PRUNE2: variants seen among roughly 807,000 people sequenced by gnomAD.
PRUNE2 encodes prune homolog 2 with BCH domain.
PRUNE2 carries 164 observed loss-of-function variants against 252.0 expected under a neutral mutation model. That is an observed-to-expected ratio of 0.65 (90% CI 0.57 to 0.74). The LOEUF (loss-of-function observed/expected upper bound fraction) is 0.74, where lower values mean the gene tolerates loss of function less well. PRUNE2 is among the 30% of genes least tolerant of loss of function. The probability of loss-of-function intolerance (pLI) is 0.00; values close to 1 mark genes in which losing one functional copy is unlikely to be tolerated. For synonymous variants in PRUNE2, 1,292 were observed against 1,350.2 expected, an observed-to-expected ratio of 0.96 and a Z score of 0.94; for missense variants, 3,495 against 3,711.0, an observed-to-expected ratio of 0.94 and a Z score of 1.51.
chr9:76,768,200 C>CTT (rs58313419), intron 6 of PRUNE2, among the ~76,000 whole-genome samples: 3 of 148,846 alleles, frequency 2.0e-5, no homozygotes, highest in South Asian at 2.1e-4. Flanking sequence ...AATGATTTTC[C>CTT]TTTTTTTTTT....
At position 76,706,660 on chromosome 9, in the gene PRUNE2, C is replaced by T. The variant is rs377617794; in HGVS notation, c.5614G>A (p.Val1872Ile). 2.8e-5 allele frequency: 45 copies of T among 1,613,782 alleles called. No homozygotes were observed. In the African/African-American group the frequency reaches 5.9e-4, roughly 21 times the overall value. ...HQNASPWGVPVQGDIEPVETH... is the reference protein window; with the variant it reads ...HQNASPWGVPIQGDIEPVETH... ...TCCACGGGCTCAATATCACCCTGAA[C>T]TGGTACTCCCCAGGGACTGGCATTT... Residue 1872 changes from valine (V) to isoleucine (I), a missense_variant, in exon 8 of 19, where the codon GTT (valine) becomes ATT (isoleucine). Transcript: ENST00000376718.
At chr9:76,775,259 T>A (rs2053606801) in intron 6 of PRUNE2, among the ~76,000 whole-genome samples, 1 of 152,134 alleles carries the variant, frequency 6.6e-6, no homozygotes, top group South Asian at 2.1e-4. Context: ...CTCTTTGCAA[T>A]GACAAAGAGG....
At chr9:76,895,831 T>C (rs1564524604) in intron 1 of PRUNE2, among the ~76,000 whole-genome samples, 1 of 152,076 alleles carries the variant, frequency 6.6e-6, no homozygotes, top group Non-Finnish European at 1.5e-5. Flanking sequence ...TCACCCAGGC[T>C]GGAGTGCAGT....
intron 6 of PRUNE2, among the ~76,000 whole-genome samples, chr9:76,817,526 C>T (rs2057767426): frequency 6.6e-6 from 1 of 152,104 alleles, no homozygotes; most frequent in African/African-American, 2.4e-5. Flanking sequence ...CACAACCAGA[C>T]CAGATCCATA....
chr9:76,648,662 G>A (rs1845938208), intron 11 of PRUNE2, among the ~76,000 whole-genome samples: 1 of 152,170 alleles, frequency 6.6e-6, no homozygotes, highest in Admixed American at 6.5e-5. Flanking sequence ...TGCGGGAAAG[G>A]GAGACATAGG....
chr9:76,781,622 A>C (rs1415368504), intron 6 of PRUNE2, among the ~76,000 whole-genome samples: 1 of 152,218 alleles, frequency 6.6e-6, no homozygotes, highest in Non-Finnish European at 1.5e-5. Context: ...TTTTCTTCAT[A>C]GCACTTAAAT....
chr9:76,648,782 C>G (rs746999803), intron 11 of PRUNE2, among the ~76,000 whole-genome samples: 1 of 152,202 alleles, frequency 6.6e-6, no homozygotes, highest in Non-Finnish European at 1.5e-5. Context: ...AACTTGGAAT[C>G]GTGATGATAC....
intron 9 of PRUNE2, among the ~76,000 whole-genome samples, chr9:76,673,230 C>T (rs1196651401): frequency 0.014 from 2,030 of 148,148 alleles, 47 homozygotes; most frequent in African/African-American, 0.047. Flanking sequence ...ATATCACCAC[C>T]GATCCCACAG....
At chr9:76,648,162 C>G (rs1845726590) in intron 11 of PRUNE2, among the ~76,000 whole-genome samples, 1 of 152,150 alleles carries the variant, frequency 6.6e-6, no homozygotes, top group South Asian at 2.1e-4. Flanking sequence ...ATCCAAAACC[C>G]TGACACCAAA....
chr9:76,684,991 A>G (rs2043922420), intron 9 of PRUNE2, among the ~76,000 whole-genome samples: 1 of 152,068 alleles, frequency 6.6e-6, no homozygotes, highest in Non-Finnish European at 1.5e-5. Flanking sequence ...ACCTCAAGTG[A>G]TCCACCCTGC....
chr9:76,773,880 A>G (rs1430224554), intron 6 of PRUNE2, among the ~76,000 whole-genome samples: 3 of 152,222 alleles, frequency 2.0e-5, no homozygotes, highest in African/African-American at 7.2e-5. Flanking sequence ...AACCCCACAG[A>G]AAAAAGGTGG....
In PRUNE2 at chr9:76,684,236, C is replaced by T. The variant is rs576291616; in HGVS notation, c.8276+19101G>A. On this transcript the variant is annotated intron_variant, in intron 9 of 18. Transcript: ENST00000376718. ...TTGTACCCTTTGATCAATCACTCCC[C>T]TTTCCTTCATCCGCTTTCCAGTCTC... Among the ~76,000 whole-genome samples, 178 of 152,308 alleles carry T rather than the reference C, an allele frequency of 1.2e-3. 1 individual carries two copies. The highest frequency in any genetic ancestry group is 6.8e-3 in the Middle Eastern group (2 of 294).
intron 1 of PRUNE2, among the ~76,000 whole-genome samples, chr9:76,874,351 C>T (rs1388687659): frequency 6.6e-6 from 1 of 152,034 alleles, no homozygotes; most frequent in African/African-American, 2.4e-5. Context: ...TTAAAAAGTG[C>T]ACATGAAAGC....
intron 18 of PRUNE2, among the ~76,000 whole-genome samples, chr9:76,617,955 T>C (rs1372842250): frequency 1.3e-5 from 2 of 152,292 alleles, no homozygotes; most frequent in African/African-American, 2.4e-5. Flanking sequence ...AAAAGAATTA[T>C]CGTGCACTGG....
chr9:76,773,750 A>T (rs978194921), intron 6 of PRUNE2, among the ~76,000 whole-genome samples: 41 of 152,126 alleles, frequency 2.7e-4, no homozygotes, highest in Non-Finnish European at 2.9e-5. Flanking sequence ...GGCCAAGTAC[A>T]TCTTATGTAG....
chr9:76,814,233 C>A (rs1275135991), intron 6 of PRUNE2, among the ~76,000 whole-genome samples: 1 of 152,160 alleles, frequency 6.6e-6, no homozygotes, highest in Non-Finnish European at 1.5e-5. Flanking sequence ...CTGGGCTGGT[C>A]TTCGGGACTC....
intron 6 of PRUNE2, among the ~76,000 whole-genome samples, chr9:76,761,184 G>A (rs1307239697): frequency 6.6e-6 from 1 of 151,740 alleles, no homozygotes; most frequent in African/African-American, 2.4e-5. Flanking sequence ...AAATGAATCT[G>A]AATTAGAAGC....
chr9:76,882,987 CTCTTTCAGGCCTCAGTTTTCTT>C (rs1390612713), intron 1 of PRUNE2, among the ~76,000 whole-genome samples: 3 of 152,178 alleles, frequency 2.0e-5, no homozygotes, highest in Non-Finnish European at 4.4e-5. Flanking sequence ...AGCTCACTTC[CTCTTTCAGGCCTCAGTTTTCTT>C]TCTTTCAGGC....
intron 6 of PRUNE2, among the ~76,000 whole-genome samples, chr9:76,744,144 C>T (rs2049896768): frequency 6.6e-6 from 1 of 152,186 alleles, no homozygotes; most frequent in Admixed American, 6.5e-5. Context: ...ATTATCTACC[C>T]ACACAAGAAA....
Sources: allele counts gnomAD v4.1 joint callset (sites outside exome capture counted in the v4.1 genomes callset), GRCh38; gene constraint gnomAD v4.1.1; transcripts MANE v1.5; gene names NCBI Gene and HGNC (gene_info 2026-07-23, HGNC 2026-07-21).